DNAH12: variants seen among roughly 807,000 people sequenced by gnomAD.
The protein encoded by DNAH12 is axonemal beta dynein heavy chain 12.
Under a neutral mutation model 371.5 loss-of-function variants are expected in DNAH12, and 285 were observed. That is an observed-to-expected ratio of 0.77 (90% confidence interval 0.70 to 0.85). The LOEUF (loss-of-function observed/expected upper bound fraction) is 0.85. Among genes scored for constraint, DNAH12 ranks in the 40% least tolerant of loss-of-function variants. The pLI is 0.00. For synonymous variants in DNAH12, 1,200 were observed against 1,213.0 expected (o/e 0.99, Z 0.22); for missense variants, 3,611 against 3,689.4 (o/e 0.98, Z 0.55).
chr3:57,454,894 C>A lies in DNAH12; in HGVS notation c.3337G>T (p.Ala1113Ser), dbSNP rs1363653818. 1 of 1,537,464 alleles carries A rather than the reference C, an allele frequency of 6.5e-7. No homozygotes were observed. Among genetic ancestry groups the A allele is most frequent in the Non-Finnish European group, 8.7e-7 (1 of 1,143,214 alleles). ...TCTCTTCTTGCAGATTCTGGATAAGCCTGAACAATTAAAATAAATTTCTAA... is the reference window on the plus strand; with the variant it reads ...TCTCTTCTTGCAGATTCTGGATAAGACTGAACAATTAAAATAAATTTCTAA... The part of the protein sequence containing the change: ...VHDVIAAARL[A>S]YPESARRDWV... The change falls in exon 23 of 74, where the codon GCT becomes TCT. Residue 1113 changes from alanine to serine, a missense_variant and splice_region_variant. By Grantham distance (99) the Ala-to-Ser change is moderately conservative. Around this residue, in one of 3 missense-constraint regions of DNAH12, gnomAD observed 1,314 missense variants for 1,398.7 expected, o/e 0.94. Transcript: ENST00000495027.
chr3:57,547,493 A>C (rs1332930626), upstream of DNAH12, among the ~76,000 whole-genome samples: 3 of 152,086 alleles, frequency 2.0e-5, no homozygotes, highest in Admixed American at 1.3e-4. Flanking sequence ...TGTTTCCAAA[A>C]GTGTGTTCTT....
chr3:57,471,648 A>G (rs2066372729), intron 14 of DNAH12, 42 bp from the exon 15 acceptor site: 2 of 1,470,154 alleles, frequency 1.4e-6, no homozygotes, highest in Admixed American at 2.8e-5. Context: ...AATCTGTAAC[A>G]AAGAATTATC....
chr3:57,469,413 A>G (rs778656323), intron 16 of DNAH12, among the ~76,000 whole-genome samples: 19 of 152,194 alleles, frequency 1.2e-4, no homozygotes, highest in Non-Finnish European at 1.2e-4. Context: ...CACTGTGGAG[A>G]GTAGTTTGGA....
the DNAH12 span, among the ~76,000 whole-genome samples, chr3:57,551,364 C>T: frequency 3.4e-5 from 5 of 149,222 alleles, no homozygotes; most frequent in East Asian, 4.1e-4. Flanking sequence ...CTCCGCCTCC[C>T]GGGTTCACAC....
chr3:57,408,875 G>A (rs1219129571), intron 39 of DNAH12, among the ~76,000 whole-genome samples: 1 of 152,108 alleles, frequency 6.6e-6, no homozygotes, highest in African/African-American at 2.4e-5. Context: ...ATTTGTAGCT[G>A]TTTATAGATA....
At chr3:57,489,120 G>A (rs2067032736) in intron 12 of DNAH12, among the ~76,000 whole-genome samples, 1 of 152,174 alleles carries the variant, frequency 6.6e-6, no homozygotes, top group Non-Finnish European at 1.5e-5. Flanking sequence ...ACCCTGAAAA[G>A]TAGGTATTAC....
Position 57,334,606 on chromosome 3 carries a change from T to A in DNAH12, c.9837A>T (p.Gln3279His), listed in dbSNP as rs1362112990. ...ATTCATATATATGTTCACAAAAATGTTGCCTAATAGAAAAAAGCTTAAGAA... is the reference window on the plus strand; with the variant it reads ...ATTCATATATATGTTCACAAAAATGATGCCTAATAGAAAAAAGCTTAAGAA... The part of the protein sequence containing the change: ...SEFPAFRGLR[Q>H]HFCEHIYEWR... The change falls in exon 62 of 74, where the codon CAA becomes CAT. Residue 3279 changes from glutamine to histidine, a missense_variant. Physicochemically the swap from Gln to His is conservative, Grantham distance 24 (BLOSUM62 0). Transcript: ENST00000495027. 4.6e-6 allele frequency: 7 copies of A among 1,534,474 alleles called. No homozygotes were observed. The highest frequency in any genetic ancestry group is 6.1e-6 in the Non-Finnish European group (7 of 1,143,218).
chr3:57,297,358 TA>T, intron 70 of DNAH12: 2 of 162,362 alleles, frequency 1.2e-5, no homozygotes, highest in Non-Finnish European at 2.5e-5. Flanking sequence ...TCCTTAACCC[TA>T]TTTTTTTTTT....
At chr3:57,438,543 C>A (rs1271152641) in intron 29 of DNAH12, among the ~76,000 whole-genome samples, 2 of 152,058 alleles carry the variant, frequency 1.3e-5, no homozygotes, top group African/African-American at 4.8e-5. Context: ...AAAGACTCTG[C>A]CAAAAGGCTC....
Position 57,507,724 on chromosome 3 carries a change from G to C in DNAH12, c.816C>G (p.Thr272=). ...TAACACCTTCTAGTGCCTCCTTCTTGGTAAAGAGATTTATAACCTTTGGAT... is the reference window on the plus strand; with the variant it reads ...TAACACCTTCTAGTGCCTCCTTCTTCGTAAAGAGATTTATAACCTTTGGAT... The part of the protein sequence containing the change: ...TWYPKVINLF[T]KKEALEGVKP... The change falls in exon 8 of 74, where the codon ACC becomes ACG. Residue 272 remains threonine, a synonymous_variant. Coordinates refer to ENST00000495027, the MANE Select transcript of DNAH12 (RefSeq NM_001366028.2). 6.2e-7 allele frequency: 1 copy of C among 1,611,342 alleles called. No homozygotes were observed. The highest frequency in any genetic ancestry group is 8.5e-7 in the Non-Finnish European group (1 of 1,179,606).
intron 24 of DNAH12, 109 bp from the exon 25 acceptor site, chr3:57,453,124 C>A: frequency 6.9e-7 from 1 of 1,454,172 alleles, no homozygotes; most frequent in Non-Finnish European, 9.1e-7. Context: ...TTCATGTTTG[C>A]CAACTTATAA....
chr3:57,312,375 G>C (rs2061599656), intron 66 of DNAH12, among the ~76,000 whole-genome samples: 1 of 152,178 alleles, frequency 6.6e-6, no homozygotes. Context: ...GCTGAAGGAA[G>C]AGACTTCACG....
chr3:57,396,290 CAAAAAAAAAA>C (rs1159748997), intron 43 of DNAH12, among the ~76,000 whole-genome samples: 2 of 68,756 alleles, frequency 2.9e-5, no homozygotes, highest in East Asian at 4.4e-4. Context: ...AAAAAAAAAA[CAAAAAAAAAA>C]AAAAAAAAAA....
intron 19 of DNAH12, 76 bp downstream of exon 19, chr3:57,461,413 T>C (rs965674204): frequency 1.4e-4 from 199 of 1,387,056 alleles, no homozygotes; most frequent in Non-Finnish European, 1.9e-4. Context: ...AAGCTACTTA[T>C]TACCATGAGA....
intron 45 of DNAH12, among the ~76,000 whole-genome samples, chr3:57,388,491 C>T (rs959703080): frequency 6.6e-6 from 1 of 151,766 alleles, no homozygotes; most frequent in Non-Finnish European, 1.5e-5. Context: ...GCACATACTG[C>T]CAGTGTATGC....
intron 39 of DNAH12, among the ~76,000 whole-genome samples, chr3:57,411,711 T>C (rs781788555): frequency 6.6e-5 from 10 of 152,156 alleles, no homozygotes; most frequent in Non-Finnish European, 1.2e-4. Context: ...AGGTATTCCA[T>C]GTTCATGGAT....
intron 45 of DNAH12, among the ~76,000 whole-genome samples, chr3:57,389,842 T>TATATATATATATATATATATAAA (rs2063578029): frequency 8.2e-4 from 58 of 70,498 alleles, no homozygotes; most frequent in Non-Finnish European, 1.6e-3. Context: ...ATATATATAA[T>TATATATATATATATATATATAAA]ACTTTTTTTT....
chr3:57,511,347 AACAG>A (rs910682095), intron 4 of DNAH12, among the ~76,000 whole-genome samples: 4 of 152,184 alleles, frequency 2.6e-5, no homozygotes, highest in African/African-American at 9.6e-5. Context: ...AGCTGAACAA[AACAG>A]ACAAAGCCCA....
intron 69 of DNAH12, among the ~76,000 whole-genome samples, chr3:57,305,999 C>A (rs541401283): frequency 1.3e-5 from 2 of 152,164 alleles, no homozygotes; most frequent in Admixed American, 6.5e-5. Context: ...GCCCGCAGCC[C>A]GGGATTCCTC....
Sources: allele counts gnomAD v4.1 joint callset (sites outside exome capture counted in the v4.1 genomes callset), GRCh38; gene constraint gnomAD v4.1.1; regional missense constraint gnomAD v4.1.1; transcripts MANE v1.5; gene names NCBI Gene and HGNC (gene_info 2026-07-23, HGNC 2026-07-21).